LINGO2: variants seen among roughly 807,000 people sequenced by gnomAD.
The protein encoded by LINGO2 is leucine-rich repeat and immunoglobulin-like domain-containing nogo receptor-interacting protein 2.
LINGO2 carries 14 observed loss-of-function variants against 30.6 expected under a neutral mutation model. The ratio of observed to expected loss-of-function variants is 0.46; its 90% CI spans 0.30 to 0.72. The LOEUF (loss-of-function observed/expected upper bound fraction) is 0.72. Among genes scored for constraint, LINGO2 ranks in the 30% least tolerant of loss-of-function variants. The pLI, the probability that LINGO2 is intolerant of heterozygous loss-of-function variation, is 0.07. For synonymous variants in LINGO2, 317 were observed against 288.5 expected (o/e 1.10, Z -1.00); for missense variants, 729 against 751.7 (o/e 0.97, Z 0.35).
the LINGO2 span, among the ~76,000 whole-genome samples, chr9:29,148,054 T>A: frequency 1.1e-4 from 16 of 152,136 alleles, no homozygotes; most frequent in Non-Finnish European, 1.9e-4. Flanking sequence ...ATGTTTACAG[T>A]GCATTTATTT....
rs925738595 is a variant in LINGO2 at position 28,051,191 on chromosome 9, T to TC, written c.-86-38787dup. Among the ~76,000 whole-genome samples the TC allele has an allele frequency of 3.0e-4, 43 of 141,324 alleles. 1 individual carries two copies. The highest frequency in any genetic ancestry group is 5.9e-4 in the Non-Finnish European group (39 of 65,636). The allele number at this position is 141,324 out of a possible 152,430, so 92.7% of individuals were successfully genotyped here. On this transcript the variant is annotated intron_variant, in intron 4 of 5. Transcript: ENST00000379992. ...ATTCCAATCACAGATGCAGTTGAGGTCATGACTACAACACCATCAGCTAGT... is the reference window on the plus strand; with the variant it reads ...ATTCCAATCACAGATGCAGTTGAGGTCCATGACTACAACACCATCAGCTAGT...
chr9:27,940,043 T>C, the LINGO2 span: 1 of 152,220 alleles, frequency 6.6e-6, no homozygotes, highest in Non-Finnish European at 1.5e-5. Context: ...TCTGAGACCC[T>C]GACTCTGGTG....
the LINGO2 span, among the ~76,000 whole-genome samples, chr9:28,760,933 T>C: frequency 9.6e-5 from 4 of 41,690 alleles, no homozygotes; most frequent in South Asian, 3.2e-3. Context: ...TGTGTGTGTG[T>C]ATATATATAT....
the LINGO2 span, among the ~76,000 whole-genome samples, chr9:29,097,362 T>C: frequency 2.9e-5 from 4 of 138,782 alleles, 1 homozygote; most frequent in African/African-American, 1.1e-4. Context: ...TGTATTTTAA[T>C]GTATTTTAGC....
chr9:28,990,569 C>A, the LINGO2 span, among the ~76,000 whole-genome samples: 5 of 152,264 alleles, frequency 3.3e-5, no homozygotes, highest in South Asian at 4.1e-4. Flanking sequence ...GGCTCCCTGA[C>A]CCCTGACCCC....
At chr9:28,091,906 A>T (rs1044037997) in intron 4 of LINGO2, among the ~76,000 whole-genome samples, 1 of 152,212 alleles carries the variant, frequency 6.6e-6, no homozygotes, top group East Asian at 1.9e-4. Flanking sequence ...GACACTTCTC[A>T]AAAGAAGACA....
At chr9:28,493,581 G>A (rs1564239561) in intron 1 of LINGO2, among the ~76,000 whole-genome samples, 1 of 152,132 alleles carries the variant, frequency 6.6e-6, no homozygotes, top group Non-Finnish European at 1.5e-5. Context: ...GAAAAATCAT[G>A]AAACAAACAA....
chr9:28,409,933 A>G (rs868199184), intron 2 of LINGO2, among the ~76,000 whole-genome samples: 4 of 105,150 alleles, frequency 3.8e-5, no homozygotes, highest in Non-Finnish European at 7.0e-5. Flanking sequence ...AGGGAGAAGG[A>G]AAGGAAGAGG....
chr9:29,069,416 T>C, the LINGO2 span, among the ~76,000 whole-genome samples: 2 of 150,364 alleles, frequency 1.3e-5, no homozygotes, highest in Admixed American at 6.7e-5. Flanking sequence ...TAAAGGGATA[T>C]CAATTAGTAT....
At chr9:28,224,461 C>G (rs951755932) in intron 4 of LINGO2, among the ~76,000 whole-genome samples, 1 of 152,138 alleles carries the variant, frequency 6.6e-6, no homozygotes, top group African/African-American at 2.4e-5. Flanking sequence ...ATCAGGATAA[C>G]TGGGATATCC....
At chr9:28,427,975 C>T (rs540523050) in intron 2 of LINGO2, among the ~76,000 whole-genome samples, 1 of 152,202 alleles carries the variant, frequency 6.6e-6, no homozygotes, top group South Asian at 2.1e-4. Context: ...TTCTTTATTT[C>T]TGTAAACAGT....
intron 5 of LINGO2, among the ~76,000 whole-genome samples, chr9:28,005,709 C>G (rs1822232567): frequency 6.6e-6 from 1 of 152,002 alleles, no homozygotes; most frequent in African/African-American, 2.4e-5. Flanking sequence ...GTAAAAATGG[C>G]AATGAATTTA....
In LINGO2 at chr9:27,999,833, G is replaced by A. The variant is rs182235080; in HGVS notation, c.-36+12522C>T. Among the ~76,000 whole-genome samples, 284 of 151,528 alleles carry A rather than the reference G, an allele frequency of 1.9e-3. 2 individuals are homozygous for A. The Middle Eastern group carries it at 0.034, about 18-fold the overall frequency. On this transcript the variant is annotated intron_variant, in intron 5 of 5. Coordinates refer to ENST00000379992, the Ensembl canonical transcript of LINGO2. ...CATAGAGGTAATAAAAATCGTACAT[G>A]TATTAATGGCACATGTATGCCATTA...
chr9:28,709,311 T>G, the LINGO2 span, among the ~76,000 whole-genome samples: 2 of 152,146 alleles, frequency 1.3e-5, no homozygotes, highest in African/African-American at 2.4e-5. Flanking sequence ...TAGTTTAGTG[T>G]GTTTTCAGGT....
In LINGO2 at chr9:28,129,670, C is replaced by A. The variant is rs1447009784; in HGVS notation, c.-86-117265G>T. The A allele has an allele frequency of 6.6e-6, 1 of 152,140 alleles. No individual in the cohort carries two copies. The highest frequency in any genetic ancestry group is 2.1e-4 in the South Asian group (1 of 4,814). 9.4% of individuals were successfully genotyped at this position (152,140 alleles called of 1,614,324 possible). The stretch of plus-strand genomic sequence containing the variant: ...GTGGGGGAGAAAATCTTTGAAAAAT[C>A]CAAATTAGTTTTTATTAGTGGTCCC... On this transcript the variant is annotated intron_variant, in intron 4 of 5. Transcript: ENST00000379992. This position sits in a 1 kb window ranked among gnomAD's most constrained non-coding sequence, Gnocchi z 4.0.
rs567689252 is a variant in LINGO2 at position 28,495,630 on chromosome 9, T to C, written c.-364-19605A>G. On this transcript the variant is annotated intron_variant, in intron 1 of 5. Coordinates refer to ENST00000379992, the Ensembl canonical transcript of LINGO2. ...TTTTTGTTACTGTAGGCTTGTAGTA[T>C]AGTTTGAAGTCAGGTGTCTCTATTT... Among the ~76,000 whole-genome samples the C allele has an allele frequency of 3.9e-5, 6 of 152,336 alleles. No individual in the cohort carries two copies. In the East Asian group the frequency reaches 5.8e-4, roughly 15 times the overall value.
chr9:27,987,040 T>G (rs9697179), intron 5 of LINGO2, among the ~76,000 whole-genome samples: 6,306 of 151,732 alleles, frequency 0.042, 398 homozygotes, highest in African/African-American at 0.14. Flanking sequence ...CGACTTTTTT[T>G]TGTGTGTGTG....
At chr9:27,983,411 G>A (rs1341397373) in intron 5 of LINGO2, among the ~76,000 whole-genome samples, 1 of 151,792 alleles carries the variant, frequency 6.6e-6, no homozygotes. Context: ...AGGACACAGG[G>A]CATTGACCCT....
chr9:28,983,089 T>A, the LINGO2 span, among the ~76,000 whole-genome samples: 6 of 151,950 alleles, frequency 3.9e-5, no homozygotes, highest in South Asian at 1.2e-3. Flanking sequence ...GCTGCCAATT[T>A]CAAGTTATAA....
Sources: allele counts gnomAD v4.1 joint callset (sites outside exome capture counted in the v4.1 genomes callset), GRCh38; gene constraint gnomAD v4.1.1; non-coding constraint Gnocchi (gnomAD v3.1); transcripts MANE v1.5; gene names NCBI Gene and HGNC (gene_info 2026-07-23, HGNC 2026-07-21).